The following LRRC7 variants were observed in gnomAD, a reference collection of about 807,000 sequenced individuals.
LRRC7 encodes leucine rich repeat containing 7.
LRRC7 carries 23 observed loss-of-function variants against 175.7 expected under a neutral mutation model. The observed-to-expected ratio is 0.13, with a 90% CI of 0.09 to 0.19. The LOEUF is 0.19. LRRC7 is among the 10% of genes least tolerant of loss of function. The pLI, the probability that LRRC7 is intolerant of heterozygous loss-of-function variation, is 1.00. For synonymous variants in LRRC7, 685 were observed against 680.9 expected (o/e 1.01, Z -0.09); for missense variants, 1,354 against 1,904.7 (o/e 0.71, Z 5.38).
chr1:70,065,591 A>G (rs1661912224), intron 23 of LRRC7, among the ~76,000 whole-genome samples: 1 of 151,970 alleles, frequency 6.6e-6, no homozygotes, highest in Non-Finnish European at 1.5e-5. Context: ...ATCTCTTTGA[A>G]TTAGTTATCC....
chr1:69,772,265 A>AC (rs1672327922), intron 3 of LRRC7, among the ~76,000 whole-genome samples: 2 of 152,228 alleles, frequency 1.3e-5, no homozygotes, highest in South Asian at 4.1e-4. Flanking sequence ...CGAGGGGTCA[A>AC]CCATGCAAGA....
intron 2 of LRRC7, among the ~76,000 whole-genome samples, chr1:69,747,079 G>A (rs2100879672): frequency 6.6e-6 from 1 of 152,170 alleles, no homozygotes; most frequent in East Asian, 1.9e-4. Context: ...CAATCACATT[G>A]GAGCATACTC....
intron 1 of LRRC7, among the ~76,000 whole-genome samples, chr1:69,617,150 CCT>C (rs1649764225): frequency 6.6e-6 from 1 of 152,032 alleles, no homozygotes; most frequent in South Asian, 2.1e-4. Context: ...ATTGTTAATG[CCT>C]CTCTTTTTCA....
intron 2 of LRRC7, among the ~76,000 whole-genome samples, chr1:69,744,344 G>C (rs924067445): frequency 1.3e-5 from 2 of 151,764 alleles, no homozygotes; most frequent in South Asian, 2.1e-4. Flanking sequence ...TGAGTAGGTG[G>C]TGCAGGTGAA....
intron 5 of LRRC7, among the ~76,000 whole-genome samples, chr1:69,827,124 C>T (rs1429272567): frequency 1.3e-5 from 2 of 152,068 alleles, no homozygotes; most frequent in African/African-American, 2.4e-5. Context: ...TCCCAAAACT[C>T]GTAGACCAAA....
At chr1:70,088,533 G>A (rs921184988) in intron 24 of LRRC7, among the ~76,000 whole-genome samples, 4 of 152,104 alleles carry the variant, frequency 2.6e-5, no homozygotes, top group African/African-American at 9.7e-5. Context: ...TAGCCTGGGT[G>A]ACAGAGTAAG....
At chr1:70,088,843 A>T (rs981169970) in intron 24 of LRRC7, among the ~76,000 whole-genome samples, 20 of 152,112 alleles carry the variant, frequency 1.3e-4, no homozygotes, top group Non-Finnish European at 1.2e-4. Context: ...TATTATTGCT[A>T]TAATTTTTAC....
chr1:69,783,482 C>T (rs187230735), intron 3 of LRRC7, among the ~76,000 whole-genome samples: 14 of 152,144 alleles, frequency 9.2e-5, no homozygotes, highest in African/African-American at 2.9e-4. Context: ...GGAGGCCGGG[C>T]GCAGTGGCTC....
intron 23 of LRRC7, among the ~76,000 whole-genome samples, chr1:70,056,354 G>C (rs1445949600): frequency 1.3e-5 from 2 of 152,132 alleles, no homozygotes; most frequent in Non-Finnish European, 2.9e-5. Context: ...TTTACTGCAA[G>C]CTGTAGAAAA....
chr1:69,699,344 A>G (rs1663033766), intron 2 of LRRC7, among the ~76,000 whole-genome samples: 1 of 152,034 alleles, frequency 6.6e-6, no homozygotes, highest in South Asian at 2.1e-4. Context: ...GATCAAAACC[A>G]TCCTGGCCAA....
chr1:69,812,876 A>G (rs1471521753), intron 4 of LRRC7, among the ~76,000 whole-genome samples: 1 of 152,174 alleles, frequency 6.6e-6, no homozygotes. Flanking sequence ...TCTGTATGGT[A>G]GATGTTTTAG....
chr1:70,023,089 T>C (rs1246819008), intron 16 of LRRC7, 37 bp from the exon 17 acceptor site: 2 of 1,398,948 alleles, frequency 1.4e-6, no homozygotes, highest in Non-Finnish European at 1.9e-6. Context: ...ACAGTGCTCC[T>C]CTTTCTCCCA....
At position 70,036,676 on chromosome 1, in the gene LRRC7, T is replaced by G. The variant is rs751978376; in HGVS notation, c.2288+52T>G. 4.6e-6 allele frequency: 7 copies of G among 1,530,050 alleles called. No homozygotes were observed. In the South Asian group the frequency reaches 8.8e-5, roughly 19 times the overall value. The allele number at this position is 1,530,050 out of a possible 1,614,324, so 94.8% of individuals were successfully genotyped here. Reference sequence around the variant, plus strand: ...TCCCAAACGTTTATTTTCAGCAACTTTTTAAAAAATGGAATCTTCTTAATT... The same window carrying G: ...TCCCAAACGTTTATTTTCAGCAACTGTTTAAAAAATGGAATCTTCTTAATT... On this transcript the variant is annotated intron_variant, in intron 20 of 26. Coordinates refer to ENST00000651989, the MANE Select transcript of LRRC7 (RefSeq NM_001370785.2).
At chr1:69,571,738 A>T (rs1305556181) in intron 1 of LRRC7, among the ~76,000 whole-genome samples, 2 of 152,156 alleles carry the variant, frequency 1.3e-5, no homozygotes, top group Non-Finnish European at 2.9e-5. Flanking sequence ...CCCCAATATA[A>T]GAAGGAATCA....
chr1:70,002,280 C>T (rs1655608329), intron 11 of LRRC7, among the ~76,000 whole-genome samples: 1 of 152,166 alleles, frequency 6.6e-6, no homozygotes, highest in Non-Finnish European at 1.5e-5. Flanking sequence ...TAAATCCCTT[C>T]TTCTCTATGG....
Position 70,143,093 on chromosome 1 carries a change from A to G in LRRC7, c.*21206A>G, listed in dbSNP as rs1018446163. The G allele has an allele frequency of 6.6e-6, 1 of 151,992 alleles. No homozygotes were observed. Among genetic ancestry groups the G allele is most frequent in the Admixed American group, 6.6e-5 (1 of 15,240 alleles). The allele number at this position is 151,992 out of a possible 1,614,324, so 9.4% of individuals were successfully genotyped here. A position where few individuals can be genotyped will look rare whatever the true frequency, so the allele number is the denominator to read the frequency against. On this transcript the variant is annotated 3_prime_UTR_variant, in exon 27 of 27. Transcript: ENST00000651989. ...TTTTCTTTTTCTCATTTCAGCTCAT[A>G]TAATTCAGTTAGTGAAATATTTCAC...
At chr1:69,600,664 C>T (rs909861993) in intron 1 of LRRC7, among the ~76,000 whole-genome samples, 1 of 152,010 alleles carries the variant, frequency 6.6e-6, no homozygotes, top group East Asian at 1.9e-4. Flanking sequence ...CTCCTATGCC[C>T]CTTTGACTTT....
intron 7 of LRRC7, among the ~76,000 whole-genome samples, chr1:69,927,798 T>G (rs1003696857): frequency 6.6e-6 from 1 of 152,216 alleles, no homozygotes; most frequent in Non-Finnish European, 1.5e-5. Flanking sequence ...GAAGCCTTCT[T>G]CTCTCAACTC....
At chr1:69,733,749 C>T (rs537691752) in intron 2 of LRRC7, among the ~76,000 whole-genome samples, 20 of 152,048 alleles carry the variant, frequency 1.3e-4, no homozygotes, top group African/African-American at 4.8e-4. Context: ...TGTTTTTGTG[C>T]AGAAAAACAG....
Sources: gnomAD v4.1 joint callset for allele counts (sites outside exome capture counted in the v4.1 genomes callset) on GRCh38, gnomAD v4.1.1 for gene constraint, MANE v1.5 for transcripts, NCBI Gene and HGNC (gene_info 2026-07-23, HGNC 2026-07-21) for gene names.